SLC7A14: variants seen among roughly 807,000 people sequenced by gnomAD.
The protein encoded by SLC7A14 is gamma-aminobutyric acid transporter SLC7A14.
A neutral mutation model predicts 60.2 loss-of-function variants in SLC7A14; 37 were observed. That is an observed-to-expected ratio of 0.61 (90% CI 0.47 to 0.81). The LOEUF is 0.81. SLC7A14 is among the 30% of genes least tolerant of loss of function. The probability of loss-of-function intolerance (pLI) is 0.00; values close to 1 mark genes in which losing one functional copy is unlikely to be tolerated. For missense variants in SLC7A14, 886 were observed against 982.7 expected (o/e 0.90, Z 1.32); for synonymous variants, 399 against 395.8 (o/e 1.01, Z -0.10).
intron 7 of SLC7A14, among the ~76,000 whole-genome samples, chr3:170,472,822 G>GC (rs778346556): frequency 6.6e-5 from 10 of 152,154 alleles, no homozygotes; most frequent in Non-Finnish European, 1.5e-4. Flanking sequence ...TCAAAGGGAG[G>GC]CTTTGGCTTC....
intron 1 of SLC7A14, among the ~76,000 whole-genome samples, chr3:170,566,193 C>T (rs932673187): frequency 5.3e-5 from 8 of 152,240 alleles, no homozygotes; most frequent in South Asian, 2.1e-4. Context: ...CTTGCTTCCT[C>T]GGCATTGTTT....
chr3:170,517,518 T>C (rs1713203763), intron 2 of SLC7A14, among the ~76,000 whole-genome samples: 1 of 152,222 alleles, frequency 6.6e-6, no homozygotes, highest in Non-Finnish European at 1.5e-5. Context: ...CAAGGCTGTC[T>C]TCAATTTGAG....
intron 1 of SLC7A14, among the ~76,000 whole-genome samples, chr3:170,552,944 A>C (rs1331920984): frequency 1.3e-5 from 2 of 152,214 alleles, no homozygotes; most frequent in Non-Finnish European, 2.9e-5. Context: ...ATTGATCTCC[A>C]CATGCACTGC....
At chr3:170,525,023 T>C (rs1466348356) in intron 2 of SLC7A14, among the ~76,000 whole-genome samples, 1 of 152,266 alleles carries the variant, frequency 6.6e-6, no homozygotes, top group East Asian at 1.9e-4. Context: ...ATTCTACACG[T>C]ATGATATTAA....
At chr3:170,470,125 G>T (rs745935153) in intron 7 of SLC7A14, among the ~76,000 whole-genome samples, 2 of 152,172 alleles carry the variant, frequency 1.3e-5, no homozygotes, top group East Asian at 3.8e-4. Context: ...TAAGTGACTT[G>T]CCTGGGTCTG....
At position 170,483,433 on chromosome 3, in the gene SLC7A14, A is replaced by G. The variant is rs1711911896; in HGVS notation, c.996T>C (p.Tyr332=). 2 of 1,614,268 alleles carry G rather than the reference A, an allele frequency of 1.2e-6. No homozygotes were observed. Among genetic ancestry groups the G allele is most frequent in the South Asian group, 1.1e-5 (1 of 91,090 alleles). The change falls in exon 6 of 8, where the codon TAT becomes TAC. Residue 332 remains tyrosine (Y), a synonymous_variant. Coordinates refer to ENST00000231706, the MANE Select transcript of SLC7A14 (RefSeq NM_020949.3). The part of the protein sequence containing the change: ...LMEMFVAHGF[Y]AAKFVVAIGS... ...CAATGGCCACTACGAATTTGGCAGC[A>G]TAGAACCCATGAGCCACAAACATCT...
intron 1 of SLC7A14, among the ~76,000 whole-genome samples, chr3:170,545,222 T>C (rs1237725651): frequency 6.6e-6 from 1 of 152,214 alleles, no homozygotes. Flanking sequence ...TCCAAGTCTC[T>C]GAAGCTAGCA....
intron 1 of SLC7A14, among the ~76,000 whole-genome samples, chr3:170,554,482 T>C (rs1714434107): frequency 6.6e-6 from 1 of 152,226 alleles, no homozygotes; most frequent in Non-Finnish European, 1.5e-5. Flanking sequence ...GCATTTCCTT[T>C]TCCCAGCTGG....
At chr3:170,560,221 G>T (rs1714608498) in intron 1 of SLC7A14, among the ~76,000 whole-genome samples, 1 of 152,166 alleles carries the variant, frequency 6.6e-6, no homozygotes, top group Admixed American at 6.5e-5. Context: ...TGTCAGCAGA[G>T]TGGTAAGTGT....
chr3:170,498,876 CA>C lies in SLC7A14; in HGVS notation c.549del (p.Glu184LysfsTer11), dbSNP rs766056584. 1.9e-6 allele frequency: 3 copies of C among 1,614,088 alleles called. No individual in the cohort carries two copies. In the East Asian group the frequency reaches 6.7e-5, roughly 36 times the overall value. ...SVGTLNGLGK[G>X]EESYPDLLAL... ...GCCAGAAGGTCTGGGTATGATTCTT[CA>C]CCTTTCCCTAGAGAGGAAAGACATG... On this transcript the variant is annotated frameshift_variant, in exon 4 of 8. Transcript: ENST00000231706. LOFTEE classifies it high-confidence loss of function.
intron 2 of SLC7A14, among the ~76,000 whole-genome samples, chr3:170,525,940 A>G (rs1171194596): frequency 1.3e-5 from 2 of 152,096 alleles, no homozygotes; most frequent in African/African-American, 4.8e-5. Flanking sequence ...GCGTTGTGGT[A>G]CGCACCTTTA....
intron 1 of SLC7A14, among the ~76,000 whole-genome samples, chr3:170,547,938 A>G (rs770570703): frequency 6.6e-6 from 1 of 152,146 alleles, no homozygotes; most frequent in African/African-American, 2.4e-5. Flanking sequence ...AGACCTGCCT[A>G]TGTAATTCCT....
chr3:170,540,794 T>C (rs1713997627), intron 1 of SLC7A14, among the ~76,000 whole-genome samples: 1 of 152,240 alleles, frequency 6.6e-6, no homozygotes, highest in South Asian at 2.1e-4. Context: ...TATCCAGCCT[T>C]CAAGCTATTC....
At chr3:170,483,560 G>C (rs1711917371) in intron 5 of SLC7A14, 38 bp from the exon 6 acceptor site, 5 of 1,610,490 alleles carry the variant, frequency 3.1e-6, no homozygotes, top group Non-Finnish European at 3.4e-6. Context: ...GAGGTACAGG[G>C]GAAGAACAGC....
At chr3:170,487,672 A>T (rs939909123) in intron 4 of SLC7A14, among the ~76,000 whole-genome samples, 3 of 152,154 alleles carry the variant, frequency 2.0e-5, no homozygotes, top group African/African-American at 4.8e-5. Context: ...TCAGAAGCAA[A>T]CTTTGCTCAT....
chr3:170,579,711 C>T (rs905629166), intron 1 of SLC7A14, among the ~76,000 whole-genome samples: 2 of 152,232 alleles, frequency 1.3e-5, no homozygotes, highest in African/African-American at 2.4e-5. Context: ...TATGTGCTTT[C>T]ATTCTAAGCT....
In SLC7A14 at chr3:170,463,968, ACTT is replaced by A. The variant is rs1739659273; in HGVS notation, c.*3084_*3086del. On this transcript the variant is annotated 3_prime_UTR_variant, in exon 8 of 8. Transcript: ENST00000231706. ...AGATTTGTTCTTATCATGCAGAAGT[ACTT>A]CTTCTTGTCATTACCACTAATTCTA... 1 of 152,164 alleles carries A rather than the reference ACTT, an allele frequency of 6.6e-6. No homozygotes were observed. The highest frequency in any genetic ancestry group is 1.5e-5 in the Non-Finnish European group (1 of 68,028). The allele number at this position is 152,164 out of a possible 1,614,324, so 9.4% of individuals were successfully genotyped here. A position where few individuals can be genotyped will look rare whatever the true frequency, so the allele number is the denominator to read the frequency against.
intron 4 of SLC7A14, chr3:170,496,465 C>A: frequency 7.6e-7 from 1 of 1,310,174 alleles, no homozygotes; most frequent in Non-Finnish European, 1.1e-6. Flanking sequence ...GGGGAGCTGG[C>A]CGTTAAGGAT....
intron 7 of SLC7A14, among the ~76,000 whole-genome samples, chr3:170,470,190 A>C (rs1278074533): frequency 2.0e-5 from 3 of 152,130 alleles, no homozygotes; most frequent in Non-Finnish European, 2.9e-5. Context: ...TTGCGTGTCT[A>C]GTCCTTCACA....
Sources: allele counts gnomAD v4.1 joint callset (sites outside exome capture counted in the v4.1 genomes callset), GRCh38; gene constraint gnomAD v4.1.1; transcripts MANE v1.5; gene names NCBI Gene and HGNC (gene_info 2026-07-23, HGNC 2026-07-21).